Variants in ZMAT1 observed in about 807,000 individuals in gnomAD.
ZMAT1 encodes the protein zinc finger matrin-type 1, also known as zinc finger matrin-type protein 1.
ZMAT1 carries 11 observed loss-of-function variants against 18.5 expected under a neutral mutation model. That is an observed-to-expected ratio of 0.59 (90% confidence interval 0.37 to 0.98). The LOEUF (loss-of-function observed/expected upper bound fraction) is 0.98. ZMAT1 is among the 50% of genes least tolerant of loss of function. ZMAT1 has a pLI of 0.01. For missense variants in ZMAT1, 525 were observed against 496.2 expected (o/e 1.06, Z -0.55); for synonymous variants, 211 against 176.4 (o/e 1.20, Z -1.55).
At chrX:101,889,344 T>C (rs1927205874) in intron 4 of ZMAT1, 1 of 111,020 alleles carries the variant, frequency 9.0e-6, no homozygotes, top group Admixed American at 9.6e-5. Context: ...GGATTCCTTG[T>C]TTCTGAGTTC....
rs768157105 is a variant in ZMAT1 at position 101,904,291 on chromosome X, G to T, written c.332C>A (p.Thr111Lys). Residue 111 changes from threonine (T) to lysine (K), a missense_variant, in exon 2 of 6, where the codon ACA (threonine) becomes AAA (lysine). Physicochemically the swap from Thr to Lys is moderately conservative, Grantham distance 78 (BLOSUM62 -1). Coordinates refer to ENST00000651725, the MANE Select transcript of ZMAT1 (RefSeq NM_001394560.1). ...TCCACATACTTGACAAAACTTATCT[G>T]TAAAAAGTTCAGCCTTTTCCTGTTC... ...WNEQEKAELF[T>K]DKFCQVCGVM... 1.7e-6 allele frequency: 2 copies of T among 1,205,714 alleles called. No homozygotes were observed. The highest frequency in any genetic ancestry group is 3.5e-5 in the African/African-American group (2 of 56,986).
At chrX:101,931,201 T>G (rs1930455640) in intron 1 of ZMAT1, among the ~76,000 whole-genome samples, 1 of 111,730 alleles carries the variant, frequency 9.0e-6, no homozygotes, top group Non-Finnish European at 1.9e-5. Context: ...AATATTCTAC[T>G]TCTAGTTTCT....
intron 1 of ZMAT1, among the ~76,000 whole-genome samples, chrX:101,924,888 G>A (rs1490931775): frequency 8.9e-6 from 1 of 112,117 alleles, no homozygotes; most frequent in Non-Finnish European, 1.9e-5. Context: ...TATACGTACA[G>A]AGTTTCAATT....
intron 1 of ZMAT1, among the ~76,000 whole-genome samples, chrX:101,922,835 C>A (rs952818338): frequency 8.9e-6 from 1 of 111,782 alleles, no homozygotes; most frequent in Admixed American, 9.6e-5. Flanking sequence ...TGACCAATAG[C>A]CAATTCTGGA....
At chrX:101,909,836 G>A (rs1320207079) in intron 1 of ZMAT1, among the ~76,000 whole-genome samples, 1 of 112,650 alleles carries the variant, frequency 8.9e-6, no homozygotes, top group Non-Finnish European at 1.9e-5. Context: ...CTCACCCAGA[G>A]ATTAGGGGAC....
intron 4 of ZMAT1, among the ~76,000 whole-genome samples, chrX:101,897,539 C>G (rs1419864300): frequency 1.0e-5 from 1 of 95,740 alleles, no homozygotes; most frequent in Non-Finnish European, 2.1e-5. Flanking sequence ...AACAAAGTGT[C>G]TATCTAAAAA....
At chrX:101,930,294 T>C (rs972826141) in intron 1 of ZMAT1, among the ~76,000 whole-genome samples, 19 of 112,190 alleles carry the variant, frequency 1.7e-4, no homozygotes, top group African/African-American at 5.8e-4. Flanking sequence ...TTGATATAAA[T>C]TTTTAAAATC....
chrX:101,912,147 C>T, intron 1 of ZMAT1: 1 of 779,182 alleles, frequency 1.3e-6, no homozygotes, highest in South Asian at 2.8e-5. Context: ...TTGACTCAAT[C>T]ATACACATGA....
In ZMAT1 at chrX:101,919,581, A is replaced by G. The variant is rs551652253; in HGVS notation, c.292+12136T>C. Among the ~76,000 whole-genome samples, 2 of 111,864 alleles carry G rather than the reference A, an allele frequency of 1.8e-5. 1 individual carries two copies. Among genetic ancestry groups the G allele is most frequent in the South Asian group, 7.5e-4 (2 of 2,675 alleles). ...AGTAAGGAAGATGAGATGTGTACCG[A>G]AAGAACTATGATCCCAAGACCAACA... On this transcript the variant is annotated intron_variant, in intron 1 of 5. Transcript: ENST00000651725.
chrX:101,911,892 C>T (rs1050217448), intron 1 of ZMAT1: 84 of 1,204,949 alleles, frequency 7.0e-5, no homozygotes, highest in Non-Finnish European at 6.6e-5. Flanking sequence ...CATGAAAGGA[C>T]GCACACTGGG....
At chrX:101,893,576 G>A (rs769813924) in intron 4 of ZMAT1, among the ~76,000 whole-genome samples, 1 of 111,954 alleles carries the variant, frequency 8.9e-6, no homozygotes, top group South Asian at 3.7e-4. Context: ...TCTGATGCAT[G>A]TATTAAGCTA....
At chrX:101,926,789 G>A (rs1260089626) in intron 1 of ZMAT1, among the ~76,000 whole-genome samples, 1 of 112,140 alleles carries the variant, frequency 8.9e-6, no homozygotes. Context: ...AGGTTGAGTT[G>A]CACAAAACCC....
chrX:101,929,418 AGAGATTAT>A (rs1479036072), intron 1 of ZMAT1, among the ~76,000 whole-genome samples: 2 of 35,022 alleles, frequency 5.7e-5, no homozygotes, highest in Non-Finnish European at 1.2e-4. Context: ...ATATATAGAG[AGAGATTAT>A]ATATATATAT....
In ZMAT1 at chrX:101,890,148, TG is replaced by T. The variant is rs1927276520; in HGVS notation, c.677-3418del. On this transcript the variant is annotated intron_variant, in intron 4 of 5. Transcript: ENST00000651725. ...GCAAGTGACTGTATCTCCAAATCTA[TG>T]TTTATCCCTCTATACAACACTGACT... is the stretch of plus-strand genomic sequence containing the variant. 1.8e-5 allele frequency: 2 copies of T among 111,974 alleles called. 1 individual carries two copies. The highest frequency in any genetic ancestry group is 3.8e-5 in the Non-Finnish European group (2 of 53,160). 9.2% of individuals were successfully genotyped at this position (111,974 alleles called of 1,213,427 possible).
intron 1 of ZMAT1, among the ~76,000 whole-genome samples, chrX:101,911,207 G>A (rs1928940559): frequency 9.0e-6 from 1 of 111,438 alleles, no homozygotes; most frequent in African/African-American, 3.3e-5. Flanking sequence ...AAACATGAAG[G>A]AGAAGTACTT....
intron 1 of ZMAT1, among the ~76,000 whole-genome samples, chrX:101,917,329 G>A (rs181265471): frequency 4.5e-5 from 5 of 111,697 alleles, no homozygotes; most frequent in Admixed American, 1.9e-4. Context: ...GGAACTCAAA[G>A]AACTCCAATG....
At chrX:101,894,364 G>T in intron 4 of ZMAT1, 1 of 674,336 alleles carries the variant, frequency 1.5e-6, no homozygotes, top group Non-Finnish European at 1.8e-6. Flanking sequence ...GATAAGGGGA[G>T]AGTAGTATTC....
At chrX:101,919,667 A>G (rs890705711) in intron 1 of ZMAT1, among the ~76,000 whole-genome samples, 3 of 111,830 alleles carry the variant, frequency 2.7e-5, no homozygotes, top group African/African-American at 6.5e-5. Context: ...AATTTGGGGG[A>G]AAAAAAGGTT....
At chrX:101,891,991 C>T (rs1196972490) in intron 4 of ZMAT1, among the ~76,000 whole-genome samples, 6 of 111,496 alleles carry the variant, frequency 5.4e-5, no homozygotes, top group African/African-American at 1.6e-4. Flanking sequence ...AACCAAGATA[C>T]TTGGTAGTAA....
Sources: gnomAD v4.1 joint callset for allele counts (sites outside exome capture counted in the v4.1 genomes callset) on GRCh38, gnomAD v4.1.1 for gene constraint, MANE v1.5 for transcripts, NCBI Gene and HGNC (gene_info 2026-07-23, HGNC 2026-07-21) for gene names.